ZNF536: variants seen among roughly 807,000 people sequenced by gnomAD.
The protein encoded by ZNF536 is zinc finger protein 536.
A neutral mutation model predicts 84.5 loss-of-function variants in ZNF536; 13 were observed. That is an observed-to-expected ratio of 0.15 (90% CI 0.10 to 0.24). The LOEUF (loss-of-function observed/expected upper bound fraction) is 0.24. Among genes scored for constraint, ZNF536 ranks in the 10% least tolerant of loss-of-function variants. The pLI, the probability that ZNF536 is intolerant of heterozygous loss-of-function variation, is 1.00. For missense variants in ZNF536, 1,536 were observed against 1,747.5 expected, an observed-to-expected ratio of 0.88 and a Z score of 2.16; for synonymous variants, 811 against 742.5, an observed-to-expected ratio of 1.09 and a Z score of -1.50.
intron 2 of ZNF536, among the ~76,000 whole-genome samples, chr19:30,308,579 C>T (rs1293841118): frequency 6.6e-6 from 1 of 152,122 alleles, no homozygotes; most frequent in Non-Finnish European, 1.5e-5. Flanking sequence ...TTCAGGTCCT[C>T]AGAGTCCTCA....
At chr19:30,342,484 TTTTC>T (rs1426847273) in intron 2 of ZNF536, among the ~76,000 whole-genome samples, 1 of 152,236 alleles carries the variant, frequency 6.6e-6, no homozygotes, top group Non-Finnish European at 1.5e-5. Context: ...CATCACATAA[TTTTC>T]TAAGTCTAAT....
chr19:30,503,894 G>GTCTT lies in ZNF536; in HGVS notation c.2171-30936_2171-30933dup, dbSNP rs142328524. On this transcript the variant is annotated intron_variant, in intron 2 of 4. Transcript: ENST00000355537. ...TATATTTCTGTATGGTTTGGGGTTT[G>GTCTT]TCTTTCTTTCTTTCTTTCTTCTCTC... 1.9e-3 allele frequency among the ~76,000 whole-genome samples: 281 copies of GTCTT among 150,560 alleles called. 3 individuals carry two copies. Among genetic ancestry groups the GTCTT allele is most frequent in the African/African-American group, 6.3e-3 (259 of 40,958 alleles).
At chr19:30,544,842 T>C (rs2045479594) in intron 3 of ZNF536, among the ~76,000 whole-genome samples, 1 of 152,182 alleles carries the variant, frequency 6.6e-6, no homozygotes, top group African/African-American at 2.4e-5. Context: ...CCACAGAACA[T>C]GTGCTTCAAC....
At chr19:30,581,645 A>G (rs1295645174) in intron 1 of ZNF536, among the ~76,000 whole-genome samples, 2 of 152,126 alleles carry the variant, frequency 1.3e-5, no homozygotes, top group Non-Finnish European at 2.9e-5. Flanking sequence ...AGGACAGTAA[A>G]GAAAAGGAGT....
chr19:30,365,688 G>A (rs2048406580), intron 3 of ZNF536, among the ~76,000 whole-genome samples: 1 of 152,166 alleles, frequency 6.6e-6, no homozygotes. Context: ...GGAATGAGAG[G>A]ACTGACTCCT....
At chr19:30,570,987 C>T (rs528448900) in intron 1 of ZNF536, among the ~76,000 whole-genome samples, 2 of 152,160 alleles carry the variant, frequency 1.3e-5, no homozygotes, top group Non-Finnish European at 2.9e-5. Flanking sequence ...AGCTGCCCCC[C>T]AGCTCCTCAA....
chr19:30,494,904 C>A (rs1444844748), intron 2 of ZNF536, among the ~76,000 whole-genome samples: 1 of 146,626 alleles, frequency 6.8e-6, no homozygotes, highest in Non-Finnish European at 1.5e-5. Context: ...CAAGATCATA[C>A]CACTACACTC....
At chr19:30,331,466 G>C (rs1234719412) in intron 2 of ZNF536, among the ~76,000 whole-genome samples, 1 of 151,934 alleles carries the variant, frequency 6.6e-6, no homozygotes, top group African/African-American at 2.4e-5. Flanking sequence ...GAGATCTCTT[G>C]TAAGGAGGTC....
At chr19:30,274,309 A>G (rs1314695867) in intron 1 of ZNF536, among the ~76,000 whole-genome samples, 1 of 152,248 alleles carries the variant, frequency 6.6e-6, no homozygotes. Context: ...TGCACTGCAC[A>G]ATAGAAATAT....
At chr19:30,391,753 C>G (rs1402494113) in intron 1 of ZNF536, among the ~76,000 whole-genome samples, 1 of 152,166 alleles carries the variant, frequency 6.6e-6, no homozygotes, top group African/African-American at 2.4e-5. Flanking sequence ...AACATGCTTT[C>G]AAATTCACTG....
At chr19:30,448,274 C>T (rs2052444326) in intron 2 of ZNF536, among the ~76,000 whole-genome samples, 3 of 152,218 alleles carry the variant, frequency 2.0e-5, no homozygotes, top group Admixed American at 6.5e-5. Flanking sequence ...CTGGGGCATT[C>T]AGGTTTCCCT....
chr19:30,549,135 C>T lies in ZNF536; in HGVS notation c.3516C>T (p.Ser1172=), dbSNP rs2146239572. Residue 1172 remains serine, a synonymous_variant, in exon 4 of 5, where the codon TCC becomes TCT. Coordinates refer to ENST00000355537, the MANE Select transcript of ZNF536 (RefSeq NM_014717.3). ...SDIASSEDMD[S]SKGENNDEED... ...TTGCCTCCTCAGAGGACATGGACTCCTCCAAGGGGGAGAACAACGATGAAG... is the reference window on the plus strand; with the variant it reads ...TTGCCTCCTCAGAGGACATGGACTCTTCCAAGGGGGAGAACAACGATGAAG... 6.2e-7 allele frequency: 1 copy of T among 1,614,126 alleles called. No individual in the cohort carries two copies. The highest frequency in any genetic ancestry group is 8.5e-7 in the Non-Finnish European group (1 of 1,180,050).
chr19:30,686,444 A>G (rs2051185613), intron 1 of ZNF536, among the ~76,000 whole-genome samples: 1 of 152,168 alleles, frequency 6.6e-6, no homozygotes, highest in African/African-American at 2.4e-5. Context: ...GTGTGTGTGC[A>G]CACCCAGGGG....
At chr19:30,673,487 C>T (rs555952193) in intron 1 of ZNF536, among the ~76,000 whole-genome samples, 3 of 152,182 alleles carry the variant, frequency 2.0e-5, no homozygotes, top group South Asian at 2.1e-4. Flanking sequence ...CTTTTGTAGA[C>T]GGGTCTCCCG....
At chr19:30,641,133 T>C (rs1049799109) in intron 1 of ZNF536, among the ~76,000 whole-genome samples, 10 of 152,232 alleles carry the variant, frequency 6.6e-5, no homozygotes, top group African/African-American at 2.2e-4. Context: ...TTAGCATTAA[T>C]AGAAATTTTA....
intron 1 of ZNF536, among the ~76,000 whole-genome samples, chr19:30,706,279 T>C (rs555336124): frequency 2.0e-4 from 30 of 152,030 alleles, no homozygotes; most frequent in African/African-American, 7.0e-4. Flanking sequence ...GGTCAGGAGA[T>C]TGAGACCATC....
intron 1 of ZNF536, among the ~76,000 whole-genome samples, chr19:30,681,485 C>G (rs1485443949): frequency 6.6e-6 from 1 of 152,154 alleles, no homozygotes; most frequent in Admixed American, 6.5e-5. Flanking sequence ...GAAAGTGCAG[C>G]TTAAGAGCTC....
intron 2 of ZNF536, among the ~76,000 whole-genome samples, chr19:30,511,375 A>G (rs1277653469): frequency 1.3e-5 from 2 of 152,232 alleles, no homozygotes; most frequent in African/African-American, 4.8e-5. Context: ...TACACAAACC[A>G]TAAAAAAGCC....
chr19:30,640,999 C>A (rs1040461495), intron 1 of ZNF536, among the ~76,000 whole-genome samples: 3 of 152,188 alleles, frequency 2.0e-5, no homozygotes, highest in Non-Finnish European at 4.4e-5. Flanking sequence ...TTCCCACCTG[C>A]GTAAGTCTCT....
Sources: allele counts gnomAD v4.1 joint callset (sites outside exome capture counted in the v4.1 genomes callset), GRCh38; gene constraint gnomAD v4.1.1; transcripts MANE v1.5; gene names NCBI Gene and HGNC (gene_info 2026-07-23, HGNC 2026-07-21).